ANKAR: variants seen among roughly 807,000 people sequenced by gnomAD.
ANKAR encodes ankyrin and armadillo repeat-containing protein.
In ANKAR, 136 loss-of-function variants were observed where a neutral mutation model predicts 146.2. The observed-to-expected ratio is 0.93, with a 90% CI of 0.81 to 1.07. ANKAR has a LOEUF of 1.07. Ranked by LOEUF, ANKAR falls within the 50% of genes least tolerant of loss-of-function variation. The pLI, the probability that ANKAR is intolerant of heterozygous loss-of-function variation, is 0.00. For missense variants in ANKAR, 1,567 were observed against 1,679.9 expected (o/e 0.93, Z 1.18); for synonymous variants, 500 against 575.8 (o/e 0.87, Z 1.88).
At chr2:189,748,560 A>G (rs548486023), downstream of ANKAR, among the ~76,000 whole-genome samples, 3 of 152,332 alleles carry the variant, frequency 2.0e-5, no homozygotes, top group Non-Finnish European at 4.4e-5. Flanking sequence ...TAATCTTCAT[A>G]TTTACTTCTA....
At chr2:189,762,749 T>C (rs1361225528), downstream of ANKAR, 32 of 985,432 alleles carry the variant, frequency 3.2e-5, no homozygotes, top group Non-Finnish European at 3.9e-5. Context: ...TCGACTGCCC[T>C]TATCGCTGCA....
At chr2:189,720,830 T>C in intron 12 of ANKAR, 43 bp downstream of exon 12, 1 of 1,371,946 alleles carries the variant, frequency 7.3e-7, no homozygotes, top group Non-Finnish European at 9.5e-7. Flanking sequence ...ACCAGATATA[T>C]TAAGTGAAGC....
intron 2 of ANKAR, among the ~76,000 whole-genome samples, chr2:189,688,446 T>A (rs541553840): frequency 5.3e-5 from 8 of 152,182 alleles, no homozygotes; most frequent in Non-Finnish European, 1.2e-4. Flanking sequence ...TCTGGATCTT[T>A]CGTGGTTTCA....
Position 189,696,186 on chromosome 2 carries a change from G to T in ANKAR, c.1525G>T (p.Gly509Trp), listed in dbSNP as rs1312841791. ...TGGTATGAAGTCCGCTGTTGAAAGA[G>T]GGTTGTCTGCAGTTTTCCACACATT... ...PFGMKSAVERGLSAVFHTFSR... is the reference protein window; with the variant it reads ...PFGMKSAVERWLSAVFHTFSR... The change falls in exon 7 of 23, where the codon GGG becomes TGG. Residue 509 changes from glycine (G) to tryptophan (W), a missense_variant. By Grantham distance (184) the Gly-to-Trp change is radical. Coordinates refer to ENST00000684021, the MANE Select transcript of ANKAR (RefSeq NM_001378068.1). 1 of 1,613,974 alleles carries T rather than the reference G, an allele frequency of 6.2e-7. No individual in the cohort carries two copies.
At chr2:189,760,035 A>G (rs1407424125) in intron 18 of ANKAR, among the ~76,000 whole-genome samples, 1 of 152,184 alleles carries the variant, frequency 6.6e-6, no homozygotes, top group East Asian at 1.9e-4. Flanking sequence ...TTTAACCCTG[A>G]GTTGACACAG....
Position 189,746,576 on chromosome 2 carries a change from C to A in ANKAR, c.4254C>A (p.Asn1418Lys), listed in dbSNP as rs1208941503. 1 of 1,612,964 alleles carries A rather than the reference C, an allele frequency of 6.2e-7. No individual in the cohort carries two copies. Among genetic ancestry groups the A allele is most frequent in the Non-Finnish European group, 8.5e-7 (1 of 1,179,752 alleles). ...CAAGACCAAGAATAGTGTGTTTGAACCAACTTGGGAAACATGTCCAGAAAG... is the reference window on the plus strand; with the variant it reads ...CAAGACCAAGAATAGTGTGTTTGAAACAACTTGGGAAACATGTCCAGAAAG... The part of the protein sequence containing the change: ...NVSRPRIVCL[N>K]QLGKHVQKAN... The change falls in exon 23 of 23, where the codon AAC (asparagine) becomes AAA (lysine). Residue 1418 changes from asparagine to lysine, a missense_variant. Asn to Lys is a moderately conservative substitution (Grantham distance 94, BLOSUM62 0). Coordinates refer to ENST00000684021, the MANE Select transcript of ANKAR (RefSeq NM_001378068.1).
Position 189,737,832 on chromosome 2 carries a change from A to G in ANKAR, c.3573A>G (p.Ala1191=), listed in dbSNP as rs572147628. The G allele has an allele frequency of 3.9e-6, 6 of 1,557,676 alleles. No homozygotes were observed. In the African/African-American group the frequency reaches 5.6e-5, roughly 14 times the overall value. ...ESTVETEKAM[A]AFQIVVLAKV... ...CAGTTGAAACTGAGAAGGCAATGGC[A>G]GCATTTCAGGTATAAAATTGAGATT... Residue 1191 remains alanine (A), a synonymous_variant, in exon 18 of 23, where the codon GCA becomes GCG. Coordinates refer to ENST00000684021, the MANE Select transcript of ANKAR (RefSeq NM_001378068.1).
At chr2:189,705,475 A>G (rs749229616) in intron 8 of ANKAR, among the ~76,000 whole-genome samples, 16 of 152,188 alleles carry the variant, frequency 1.1e-4, no homozygotes, top group Non-Finnish European at 1.5e-4. Context: ...CTATTAACCT[A>G]TGCATGTTTT....
downstream of ANKAR, among the ~76,000 whole-genome samples, chr2:189,748,664 G>T (rs2044565911): frequency 6.6e-6 from 1 of 152,156 alleles, no homozygotes; most frequent in African/African-American, 2.4e-5. Flanking sequence ...ACTAGAAAGG[G>T]ATACATATTC....
Position 189,689,510 on chromosome 2 carries a change from C to G in ANKAR, c.602-17C>G. 1 of 1,528,890 alleles carries G rather than the reference C, an allele frequency of 6.5e-7. No individual in the cohort carries two copies. The highest frequency in any genetic ancestry group is 8.8e-7 in the Non-Finnish European group (1 of 1,142,814). 94.7% of individuals were successfully genotyped at this position (1,528,890 alleles called of 1,614,324 possible). On this transcript the variant is annotated splice_polypyrimidine_tract_variant and intron_variant, in intron 2 of 22. Transcript: ENST00000684021. Reference sequence around the variant, plus strand: ...TGAAATTTTCACTATCTAAAATTTTCCTTTTTTATCATGAAGGTTTGACTG... The same window carrying G: ...TGAAATTTTCACTATCTAAAATTTTGCTTTTTTATCATGAAGGTTTGACTG...
At chr2:189,699,509 A>G (rs2037747110) in intron 7 of ANKAR, among the ~76,000 whole-genome samples, 1 of 152,220 alleles carries the variant, frequency 6.6e-6, no homozygotes, top group Admixed American at 6.5e-5. Context: ...ATAACAACAT[A>G]TTCCTAAGTC....
intron 20 of ANKAR, among the ~76,000 whole-genome samples, chr2:189,741,803 A>G (rs1300812187): frequency 6.6e-6 from 1 of 152,220 alleles, no homozygotes; most frequent in Non-Finnish European, 1.5e-5. Flanking sequence ...ACCTGTTCAA[A>G]TTAGTTTCTG....
intron 2 of ANKAR, among the ~76,000 whole-genome samples, chr2:189,677,845 G>A (rs1031572961): frequency 6.6e-6 from 1 of 152,004 alleles, no homozygotes; most frequent in Admixed American, 6.6e-5. Context: ...TGGTTGATGG[G>A]CCTTTAGACT....
chr2:189,679,319 T>A (rs2034268911), intron 2 of ANKAR, among the ~76,000 whole-genome samples: 1 of 152,240 alleles, frequency 6.6e-6, no homozygotes, highest in Admixed American at 6.5e-5. Context: ...TTTTGTATGC[T>A]GAAACTTTAC....
chr2:189,707,946 A>G (rs1191870742), intron 9 of ANKAR, among the ~76,000 whole-genome samples: 1 of 152,202 alleles, frequency 6.6e-6, no homozygotes, highest in Non-Finnish European at 1.5e-5. Context: ...TTGAGAACTG[A>G]CAGTGCCCGT....
rs527874516 is a variant in ANKAR at position 189,745,190 on chromosome 2, CA to C, written c.4057+412del. Among the ~76,000 whole-genome samples, 1,140 of 146,118 alleles carry C rather than the reference CA, an allele frequency of 7.8e-3. 11 individuals carry two copies. The highest frequency in any genetic ancestry group is 0.021 in the Middle Eastern group (6 of 280). ...TGGGTGACAGAGTGAGACTCTGTCTCAAAAAAAAAAGTAGAGGGTACCCCCA... is the reference window on the plus strand; with the variant it reads ...TGGGTGACAGAGTGAGACTCTGTCTCAAAAAAAAAGTAGAGGGTACCCCCA... On this transcript the variant is annotated intron_variant, in intron 22 of 22. Coordinates refer to ENST00000684021, the MANE Select transcript of ANKAR (RefSeq NM_001378068.1).
chr2:189,762,057 G>A (rs963210629), downstream of ANKAR, among the ~76,000 whole-genome samples: 2 of 152,210 alleles, frequency 1.3e-5, no homozygotes, highest in Admixed American at 1.3e-4. Flanking sequence ...TAAAAATACT[G>A]TTAATGTATT....
chr2:189,728,048 A>AAG lies in ANKAR; in HGVS notation c.2829_2830dup (p.Ala944GlufsTer8). 1 of 1,613,458 alleles carries AAG rather than the reference A, an allele frequency of 6.2e-7. No individual in the cohort carries two copies. Among genetic ancestry groups the AAG allele is most frequent in the Non-Finnish European group, 8.5e-7 (1 of 1,179,640 alleles). ...GCAAGTCACAACGCTCTTATACAGA[A>AAG]AGCATTTCTGGAAAAATCGTTAACT... is the stretch of plus-strand genomic sequence containing the variant. On this transcript the variant is annotated frameshift_variant, in exon 13 of 23. Transcript: ENST00000684021. LOFTEE classifies it high-confidence loss of function.
At chr2:189,682,327 G>A (rs770742638) in intron 2 of ANKAR, among the ~76,000 whole-genome samples, 1 of 152,068 alleles carries the variant, frequency 6.6e-6, no homozygotes, top group Non-Finnish European at 1.5e-5. Context: ...AAAAAAAGAT[G>A]AGCATTACAC....
Sources: gnomAD v4.1 joint callset for allele counts (sites outside exome capture counted in the v4.1 genomes callset) on GRCh38, gnomAD v4.1.1 for gene constraint, MANE v1.5 for transcripts, NCBI Gene and HGNC (gene_info 2026-07-23, HGNC 2026-07-21) for gene names.